The following ZNF345 variants were observed in gnomAD, a reference collection of about 807,000 sequenced individuals.
ZNF345 encodes the protein zinc finger protein HZF10.
For synonymous variants in ZNF345, 166 were observed against 187.9 expected (o/e 0.88, Z 0.95); for missense variants, 527 against 589.9 (o/e 0.89, Z 1.10).
downstream of ZNF345, chr19:36,893,105 TA>T: frequency 2.5e-6 from 1 of 397,762 alleles, no homozygotes; most frequent in East Asian, 3.6e-5. Context: ...CTGTTAAGAA[TA>T]ACAAATGTGT....
rs369008692 is a variant in ZNF345 at position 36,877,246 on chromosome 19, T to C, written c.416T>C (p.Ile139Thr). 1 of 1,613,984 alleles carries C rather than the reference T, an allele frequency of 6.2e-7. No individual in the cohort carries two copies. The highest frequency in any genetic ancestry group is 8.5e-7 in the Non-Finnish European group (1 of 1,180,008). ...TCAAACCTTACTCACCATCAGAGAA[T>C]TCATACTGGTGAGAAACCCTATGAG... is the stretch of plus-strand genomic sequence containing the variant. Reference protein sequence around the residue: ...SGSNLTHHQRIHTGEKPYECK... With the variant: ...SGSNLTHHQRTHTGEKPYECK... The change falls in exon 3 of 3, where the codon ATT becomes ACT. Residue 139 changes from isoleucine (I) to threonine (T), a missense_variant. Transcript: ENST00000420450.
At chr19:36,865,443 T>C (rs529432841) in intron 2 of ZNF345, among the ~76,000 whole-genome samples, 7 of 152,284 alleles carry the variant, frequency 4.6e-5, no homozygotes, top group Non-Finnish European at 1.0e-4. Context: ...AGGGATATAA[T>C]ACTTTTCAAA....
intron 3 of ZNF345, chr19:36,890,280 T>C (rs1158759730): frequency 6.6e-6 from 1 of 152,256 alleles, no homozygotes; most frequent in Non-Finnish European, 1.5e-5. Context: ...GTTGGGTCCA[T>C]TTGGTGTAGA....
At chr19:36,873,806 G>A (rs940567447) in intron 2 of ZNF345, among the ~76,000 whole-genome samples, 1 of 151,836 alleles carries the variant, frequency 6.6e-6, no homozygotes, top group Non-Finnish European at 1.5e-5. Flanking sequence ...TCAAATGGCA[G>A]GATCTCTTTC....
chr19:36,857,787 TGTTTGCTTGA>T (rs1240298955), intron 2 of ZNF345, among the ~76,000 whole-genome samples: 1 of 152,160 alleles, frequency 6.6e-6, no homozygotes, highest in Non-Finnish European at 1.5e-5. Flanking sequence ...TTTTTTTGTT[TGTTTGCTTGA>T]GACTAGGTTT....
intron 2 of ZNF345, among the ~76,000 whole-genome samples, chr19:36,864,281 T>G (rs1470998099): frequency 6.6e-6 from 1 of 152,076 alleles, no homozygotes; most frequent in Non-Finnish European, 1.5e-5. Flanking sequence ...TCCCAACACT[T>G]GGGGAAGCTG....
downstream of ZNF345, among the ~76,000 whole-genome samples, chr19:36,884,214 C>T (rs1480726792): frequency 1.3e-5 from 2 of 152,048 alleles, no homozygotes; most frequent in African/African-American, 4.8e-5. Flanking sequence ...TACAGGCACC[C>T]ACCACCATGC....
At chr19:36,892,108 G>A in intron 3 of ZNF345, 1 of 1,613,928 alleles carries the variant, frequency 6.2e-7, no homozygotes, top group Non-Finnish European at 8.5e-7. Context: ...CTGATGTTGA[G>A]AAAAATATGA....
intron 2 of ZNF345, among the ~76,000 whole-genome samples, chr19:36,852,113 T>G (rs1476739600): frequency 6.9e-6 from 1 of 145,472 alleles, no homozygotes; most frequent in Admixed American, 6.9e-5. Context: ...CTTTTTCTTT[T>G]TTTTTTCTTT....
downstream of ZNF345, among the ~76,000 whole-genome samples, chr19:36,882,925 G>A (rs2072977245): frequency 1.3e-5 from 2 of 152,060 alleles, no homozygotes; most frequent in African/African-American, 4.8e-5. Flanking sequence ...ATTCTGAAAA[G>A]TGGGCACAAA....
At chr19:36,855,939 G>A (rs1018470427) in intron 2 of ZNF345, among the ~76,000 whole-genome samples, 4 of 152,036 alleles carry the variant, frequency 2.6e-5, no homozygotes, top group Non-Finnish European at 4.4e-5. Flanking sequence ...TCTGTAATAC[G>A]ACATAAAGAG....
At chr19:36,863,036 A>AC (rs1793594436) in intron 2 of ZNF345, 1 of 152,146 alleles carries the variant, frequency 6.6e-6, no homozygotes, top group Non-Finnish European at 1.5e-5. Context: ...AAGAAACCAA[A>AC]CCCGCAATCA....
chr19:36,873,774 C>T (rs886350213), intron 2 of ZNF345, among the ~76,000 whole-genome samples: 2 of 151,756 alleles, frequency 1.3e-5, no homozygotes, highest in Non-Finnish European at 2.9e-5. Flanking sequence ...GCATAACGTC[C>T]TCCAGTTTCA....
At chr19:36,868,002 C>CTT (rs569167997) in intron 2 of ZNF345, among the ~76,000 whole-genome samples, 32 of 127,018 alleles carry the variant, frequency 2.5e-4, no homozygotes, top group African/African-American at 2.9e-4. Flanking sequence ...TGAGGAGTGG[C>CTT]TTTTTTTTTT....
chr19:36,861,548 A>T (rs985963175), intron 2 of ZNF345, among the ~76,000 whole-genome samples: 5 of 152,102 alleles, frequency 3.3e-5, no homozygotes, highest in African/African-American at 1.2e-4. Context: ...AGTTCTCTTT[A>T]TCTTTTTATT....
chr19:36,874,313 G>T (rs980261545), intron 2 of ZNF345, among the ~76,000 whole-genome samples: 41 of 152,052 alleles, frequency 2.7e-4, no homozygotes, highest in African/African-American at 9.9e-4. Context: ...GGCCAATATG[G>T]TGAAACCCCA....
intron 3 of ZNF345, chr19:36,891,379 TA>T: frequency 8.7e-7 from 1 of 1,151,878 alleles, no homozygotes; most frequent in Non-Finnish European, 1.2e-6. Context: ...TCGTATCGTT[TA>T]AAAACGAATA....
intron 2 of ZNF345, among the ~76,000 whole-genome samples, chr19:36,860,071 C>T (rs1388363408): frequency 6.6e-6 from 1 of 152,106 alleles, no homozygotes. Flanking sequence ...CATTCTCCTG[C>T]CTCAGCCTCC....
At chr19:36,854,882 C>A (rs948877991) in intron 2 of ZNF345, among the ~76,000 whole-genome samples, 6 of 142,232 alleles carry the variant, frequency 4.2e-5, no homozygotes, top group African/African-American at 1.6e-4. Context: ...TGGATGGAGT[C>A]TCTCTCTGTT....
Sources: allele counts gnomAD v4.1 joint callset (sites outside exome capture counted in the v4.1 genomes callset), GRCh38; gene constraint gnomAD v4.1.1; transcripts MANE v1.5; gene names NCBI Gene and HGNC (gene_info 2026-07-23, HGNC 2026-07-21).